ESRRB: variants seen among roughly 807,000 people sequenced by gnomAD.
ESRRB encodes the protein estrogen related receptor beta.
In ESRRB, 16 loss-of-function variants were observed where a neutral mutation model predicts 46.0. That is an observed-to-expected ratio of 0.35 (90% CI 0.24 to 0.53). The LOEUF (loss-of-function observed/expected upper bound fraction) is 0.53, where lower values mean the gene tolerates loss of function less well. Ranked by LOEUF, ESRRB falls within the 20% of genes least tolerant of loss-of-function variation. The probability of loss-of-function intolerance (pLI) is 0.93; values close to 1 mark genes in which losing one functional copy is unlikely to be tolerated. For missense variants in ESRRB, 488 were observed against 607.4 expected (o/e 0.80, Z 2.07); for synonymous variants, 246 against 259.6 (o/e 0.95, Z 0.50).
intron 1 of ESRRB, among the ~76,000 whole-genome samples, chr14:76,431,299 A>G (rs1170380813): frequency 6.6e-6 from 1 of 152,150 alleles, no homozygotes; most frequent in East Asian, 1.9e-4. Context: ...ATCTCAAACA[A>G]AACAAAAACA....
intron 1 of ESRRB, among the ~76,000 whole-genome samples, chr14:76,351,559 T>C (rs1239172617): frequency 6.6e-6 from 1 of 152,216 alleles, no homozygotes; most frequent in African/African-American, 2.4e-5. Flanking sequence ...GCAATGACCA[T>C]ATTTCTAAAT....
chr14:76,493,351 C>T (rs1463027067), intron 6 of ESRRB, among the ~76,000 whole-genome samples: 2 of 152,010 alleles, frequency 1.3e-5, no homozygotes, highest in Admixed American at 6.6e-5. Flanking sequence ...GACGGGGTTT[C>T]GCTATGTTGC....
intron 1 of ESRRB, among the ~76,000 whole-genome samples, chr14:76,393,969 T>G (rs1595075013): frequency 8.3e-6 from 1 of 120,986 alleles, no homozygotes; most frequent in East Asian, 2.4e-4. Flanking sequence ...CCTGGCTAAT[T>G]TTTTTTTTTT....
intron 3 of ESRRB, among the ~76,000 whole-genome samples, chr14:76,477,339 G>C (rs730452): frequency 0.19 from 28,395 of 152,226 alleles, 3,157 homozygotes; most frequent in Middle Eastern, 0.3. Flanking sequence ...TGGCCTGTGA[G>C]GTATCAGATG....
intron 2 of ESRRB, among the ~76,000 whole-genome samples, chr14:76,456,038 GCACACACACACACA>G (rs60824171): frequency 1.4e-4 from 19 of 137,292 alleles, no homozygotes; most frequent in East Asian, 1.4e-3. Flanking sequence ...AGCGAAACTC[GCACACACACACACA>G]CACACACACA....
intron 1 of ESRRB, among the ~76,000 whole-genome samples, chr14:76,428,161 G>A (rs1887281766): frequency 6.6e-6 from 1 of 152,014 alleles, no homozygotes; most frequent in Admixed American, 6.6e-5. Flanking sequence ...ACCATGCCTG[G>A]CTAATTTTGT....
rs368368366 is a variant in ESRRB, at chr14:76,318,309, C to G, written c.2+7393C>G. ...GAGTTGCCAAACGGGGTGACCTCTG[C>G]AAGTTCTTAACTTCACTGTAGCTTA... On this transcript the variant is annotated intron_variant, in intron 1 of 6. Transcript: ENST00000512784. 3.0e-3 allele frequency among the ~76,000 whole-genome samples: 464 copies of G among 152,320 alleles called. 20 individuals carry two copies. The South Asian group carries it at 0.091, about 30-fold the overall frequency.
At chr14:76,385,322 G>A (rs376376859) in intron 1 of ESRRB, among the ~76,000 whole-genome samples, 4 of 152,074 alleles carry the variant, frequency 2.6e-5, no homozygotes, top group African/African-American at 9.7e-5. Flanking sequence ...CAAGACTCTG[G>A]CTGTGCTGCT....
At chr14:76,352,754 T>C (rs1884328505) in intron 1 of ESRRB, among the ~76,000 whole-genome samples, 1 of 152,236 alleles carries the variant, frequency 6.6e-6, no homozygotes. Context: ...CTTTTCTATG[T>C]CCTCGGCCCC....
intron 1 of ESRRB, among the ~76,000 whole-genome samples, chr14:76,409,925 A>G (rs1167656234): frequency 6.6e-6 from 1 of 152,114 alleles, no homozygotes; most frequent in Non-Finnish European, 1.5e-5. Context: ...GAATGAAGCA[A>G]ACTTCTAAGA....
Position 76,439,641 on chromosome 14 carries a change from C to A in ESRRB, c.351C>A (p.Asn117Lys). The A allele has an allele frequency of 6.2e-7, 1 of 1,614,260 alleles. No homozygotes were observed. Among genetic ancestry groups the A allele is most frequent in the South Asian group, 1.1e-5 (1 of 91,092 alleles). ...CCATCAAGTGCGAGTACATGCTCAACGCCATCCCCAAGCGCCTGTGCCTCG... is the reference window on the plus strand; with the variant it reads ...CCATCAAGTGCGAGTACATGCTCAAAGCCATCCCCAAGCGCCTGTGCCTCG... ...DSAIKCEYML[N>K]AIPKRLCLVC... The change falls in exon 2 of 7, where the codon AAC becomes AAA. Residue 117 changes from asparagine (N) to lysine (K), a missense_variant. Transcript: ENST00000644823.
chr14:76,476,341 A>G (rs1049161981), intron 3 of ESRRB, among the ~76,000 whole-genome samples: 1 of 152,222 alleles, frequency 6.6e-6, no homozygotes. Flanking sequence ...TTTGAGCATT[A>G]TTAATGCTTT....
At chr14:76,488,848 T>A (rs1359596178) in intron 5 of ESRRB, among the ~76,000 whole-genome samples, 1 of 152,154 alleles carries the variant, frequency 6.6e-6, no homozygotes, top group African/African-American at 2.4e-5. Context: ...GGGCCCTGCA[T>A]TTGCTGTAGC....
intron 1 of ESRRB, among the ~76,000 whole-genome samples, chr14:76,337,106 G>C (rs1884135409): frequency 6.6e-6 from 1 of 152,148 alleles, no homozygotes; most frequent in African/African-American, 2.4e-5. Context: ...GGCACAGCCA[G>C]GCCAGTGGCT....
intron 1 of ESRRB, chr14:76,407,385 C>G (rs1429205488): frequency 1.1e-5 from 2 of 181,800 alleles, no homozygotes; most frequent in Non-Finnish European, 2.1e-5. Context: ...GCCCATGGTT[C>G]CAGAGTCGGG....
At chr14:76,352,479 A>G (rs982058394) in intron 1 of ESRRB, among the ~76,000 whole-genome samples, 12 of 152,178 alleles carry the variant, frequency 7.9e-5, no homozygotes, top group Admixed American at 7.9e-4. Context: ...GAAAGTGATC[A>G]AGCCTCAAGC....
At position 76,431,137 on chromosome 14, in the gene ESRRB, A is replaced by C. The variant is rs185203957; in HGVS notation, c.51-8204A>C. On this transcript the variant is annotated intron_variant, in intron 1 of 6. Coordinates refer to ENST00000644823, the MANE Select transcript of ESRRB (RefSeq NM_001379180.1). ...ATGGTGAAACCCGTCTTTACTAAAA[A>C]TACAAAAATTAGCCAGGCATGGGGG... Among the ~76,000 whole-genome samples, 206 of 152,342 alleles carry C rather than the reference A, an allele frequency of 1.4e-3. 1 individual carries two copies. The highest frequency in any genetic ancestry group is 4.7e-3 in the African/African-American group (196 of 41,580).
intron 1 of ESRRB, among the ~76,000 whole-genome samples, chr14:76,395,042 C>T (rs935059355): frequency 2.7e-4 from 41 of 152,202 alleles, no homozygotes; most frequent in East Asian, 7.7e-4. Context: ...CTTCTCTCCC[C>T]GGGCCATCCC....
At chr14:76,481,262 T>C (rs1346800895) in intron 3 of ESRRB, among the ~76,000 whole-genome samples, 1 of 152,184 alleles carries the variant, frequency 6.6e-6, no homozygotes, top group African/African-American at 2.4e-5. Context: ...ATGGTACCAA[T>C]GTGTCTGTCC....
Sources: gnomAD v4.1 joint callset for allele counts (sites outside exome capture counted in the v4.1 genomes callset) on GRCh38, gnomAD v4.1.1 for gene constraint, MANE v1.5 for transcripts, NCBI Gene and HGNC (gene_info 2026-07-23, HGNC 2026-07-21) for gene names.